The following PPARGC1A variants were observed in gnomAD, a reference collection of about 807,000 sequenced individuals.
PPARGC1A encodes the protein peroxisome proliferator-activated receptor gamma coactivator 1-alpha.
In PPARGC1A, 25 loss-of-function variants were observed where a neutral mutation model predicts 88.7. The observed-to-expected ratio is 0.28, with a 90% confidence interval of 0.21 to 0.39. PPARGC1A has a LOEUF of 0.39. Among genes scored for constraint, PPARGC1A ranks in the 10% least tolerant of loss-of-function variants. The probability of loss-of-function intolerance (pLI) is 1.00; values close to 1 mark genes in which losing one functional copy is unlikely to be tolerated. For missense variants in PPARGC1A, 880 were observed against 968.7 expected (o/e 0.91, Z 1.22); for synonymous variants, 363 against 355.6 (o/e 1.02, Z -0.24).
the PPARGC1A span, among the ~76,000 whole-genome samples, chr4:24,050,357 A>T: frequency 6.6e-6 from 1 of 151,652 alleles, no homozygotes; most frequent in African/African-American, 2.4e-5. Flanking sequence ...CACCACGCCC[A>T]GCTAATTTTT....
chr4:23,816,412 T>G (rs1721993267), intron 7 of PPARGC1A, among the ~76,000 whole-genome samples: 1 of 152,184 alleles, frequency 6.6e-6, no homozygotes, highest in South Asian at 2.1e-4. Flanking sequence ...CCTAATAAAT[T>G]CCTATTTGGT....
the PPARGC1A span, among the ~76,000 whole-genome samples, chr4:24,332,475 G>A: frequency 6.6e-6 from 1 of 152,164 alleles, no homozygotes; most frequent in African/African-American, 2.4e-5. Context: ...CTAGAACAGA[G>A]TAAATCCTCA....
At chr4:24,194,420 C>T in the PPARGC1A span, among the ~76,000 whole-genome samples, 1 of 152,114 alleles carries the variant, frequency 6.6e-6, no homozygotes, top group East Asian at 1.9e-4. Context: ...TCTCAATTTC[C>T]ATGAGATCTT....
chr4:24,003,557 G>C, the PPARGC1A span, among the ~76,000 whole-genome samples: 1 of 152,088 alleles, frequency 6.6e-6, no homozygotes, highest in Non-Finnish European at 1.5e-5. Context: ...AGGTGTCAAG[G>C]AGCCAACCAC....
chr4:23,912,812 G>A, the PPARGC1A span, among the ~76,000 whole-genome samples: 12 of 148,884 alleles, frequency 8.1e-5, 1 homozygote, highest in East Asian at 9.9e-4. Flanking sequence ...TTTTTTAGAC[G>A]GAGTCTCACT....
chr4:24,207,764 C>T, the PPARGC1A span, among the ~76,000 whole-genome samples: 21 of 152,224 alleles, frequency 1.4e-4, no homozygotes, highest in Middle Eastern at 3.4e-3. Flanking sequence ...CAAAAGTGTT[C>T]TAATTTTTCT....
the PPARGC1A span, among the ~76,000 whole-genome samples, chr4:24,127,614 T>C: frequency 1.3e-5 from 2 of 151,986 alleles, no homozygotes; most frequent in Non-Finnish European, 2.9e-5. Context: ...TAGAACTTCA[T>C]AAAAATTTAA....
chr4:24,339,212 G>GTGTGTGTA, the PPARGC1A span, among the ~76,000 whole-genome samples: 3 of 59,044 alleles, frequency 5.1e-5, no homozygotes, highest in African/African-American at 9.2e-5. Context: ...GTGTGTGTGT[G>GTGTGTGTA]TATATATATA....
the PPARGC1A span, among the ~76,000 whole-genome samples, chr4:24,049,708 A>G: frequency 1.5e-4 from 23 of 152,064 alleles, no homozygotes; most frequent in African/African-American, 5.3e-4. Flanking sequence ...TGTAAAAGTC[A>G]TATGTAGATT....
the PPARGC1A span, among the ~76,000 whole-genome samples, chr4:24,398,843 T>G: frequency 1.3e-5 from 2 of 152,198 alleles, no homozygotes; most frequent in Non-Finnish European, 2.9e-5. Flanking sequence ...AATCAAGATT[T>G]CTTCCAGATC....
At chr4:24,223,451 T>C in the PPARGC1A span, among the ~76,000 whole-genome samples, 1 of 152,172 alleles carries the variant, frequency 6.6e-6, no homozygotes, top group South Asian at 2.1e-4. Context: ...GATTTCACCA[T>C]GTTGGCCAGG....
chr4:23,897,904 G>A (rs753239884), intron 1 of PPARGC1A, among the ~76,000 whole-genome samples: 20 of 152,182 alleles, frequency 1.3e-4, no homozygotes, highest in Non-Finnish European at 2.1e-4. Context: ...ATGTAAGACC[G>A]AGTCCCTGCA....
At chr4:23,920,959 G>T in the PPARGC1A span, among the ~76,000 whole-genome samples, 1 of 151,638 alleles carries the variant, frequency 6.6e-6, no homozygotes, top group Non-Finnish European at 1.5e-5. Flanking sequence ...GGGCTTGCCC[G>T]TCCAGTAAAC....
At chr4:24,109,019 CCACACACACACACACACCACA>C in the PPARGC1A span, among the ~76,000 whole-genome samples, 1 of 140,652 alleles carries the variant, frequency 7.1e-6, no homozygotes, top group African/African-American at 2.6e-5. Flanking sequence ...CACACACACA[CCACACACACACACACACCACA>C]CACACACACA....
At chr4:24,119,135 G>A in the PPARGC1A span, among the ~76,000 whole-genome samples, 1 of 152,158 alleles carries the variant, frequency 6.6e-6, no homozygotes, top group African/African-American at 2.4e-5. Context: ...TACGCAGTGA[G>A]GGAGCCTCTT....
chr4:24,278,879 A>T, the PPARGC1A span, among the ~76,000 whole-genome samples: 1 of 152,188 alleles, frequency 6.6e-6, no homozygotes, highest in African/African-American at 2.4e-5. Context: ...AACAGAAAGC[A>T]TCCACATCAA....
At chr4:23,799,523 C>T (rs1234394043) in intron 12 of PPARGC1A, among the ~76,000 whole-genome samples, 1 of 152,146 alleles carries the variant, frequency 6.6e-6, no homozygotes, top group East Asian at 1.9e-4. Context: ...CAAAGCCTGG[C>T]CTCTTCAGAC....
chr4:23,817,348 C>T (rs1722167538), intron 7 of PPARGC1A, among the ~76,000 whole-genome samples: 1 of 152,054 alleles, frequency 6.6e-6, no homozygotes, highest in South Asian at 2.1e-4. Flanking sequence ...AAAACAAAGC[C>T]TTTTACCTCT....
chr4:24,406,872 G>A, the PPARGC1A span, among the ~76,000 whole-genome samples: 1 of 152,226 alleles, frequency 6.6e-6, no homozygotes. Context: ...AGAGAGGCCA[G>A]AAATGCTGTC....
Sources: gnomAD v4.1 joint callset for allele counts (sites outside exome capture counted in the v4.1 genomes callset) on GRCh38, gnomAD v4.1.1 for gene constraint, MANE v1.5 for transcripts, NCBI Gene and HGNC (gene_info 2026-07-23, HGNC 2026-07-21) for gene names.